Variants in SNRNP70 observed in about 807,000 individuals in gnomAD.
SNRNP70 encodes the protein small nuclear ribonucleoprotein U1 subunit 70, also known as U1 small nuclear ribonucleoprotein 70 kDa.
In SNRNP70, 8 loss-of-function variants were observed where a neutral mutation model predicts 50.5. The ratio of observed to expected loss-of-function variants is 0.16; its 90% confidence interval spans 0.09 to 0.29. The LOEUF (loss-of-function observed/expected upper bound fraction) is 0.29, where lower values mean the gene tolerates loss of function less well. Among genes scored for constraint, SNRNP70 ranks in the 10% least tolerant of loss-of-function variants. SNRNP70 has a pLI of 1.00. For synonymous variants in SNRNP70, 320 were observed against 252.9 expected, an observed-to-expected ratio of 1.27 and a Z score of -2.52; for missense variants, 529 against 663.5, an observed-to-expected ratio of 0.80 and a Z score of 2.23.
At chr19:49,085,718 CG>C (rs2040368830) in intron 1 of SNRNP70, 82 bp downstream of exon 1, 1 of 447,052 alleles carries the variant, frequency 2.2e-6, no homozygotes, top group African/African-American at 2.0e-5. Flanking sequence ...TCCTCTTCCC[CG>C]CGGCCAGGCC....
intron 6 of SNRNP70, among the ~76,000 whole-genome samples, chr19:49,100,731 G>A (rs143534274): frequency 0.03 from 4,507 of 150,962 alleles, 97 homozygotes; most frequent in Middle Eastern, 0.065. Flanking sequence ...GCTTGAACCC[G>A]GGAGGTGCAG....
At chr19:49,091,261 C>T (rs753194637) in intron 4 of SNRNP70, among the ~76,000 whole-genome samples, 3 of 149,380 alleles carry the variant, frequency 2.0e-5, no homozygotes, top group Admixed American at 6.7e-5. Flanking sequence ...CCCAGCTACT[C>T]GGGAGACTGA....
chr19:49,091,023 A>G (rs1168909169), intron 4 of SNRNP70, among the ~76,000 whole-genome samples: 1 of 152,164 alleles, frequency 6.6e-6, no homozygotes. Context: ...CACAGGCAGC[A>G]TAGCAGTGTT....
In SNRNP70 at chr19:49,085,488, G is replaced by A. The variant is rs955168792; in HGVS notation, c.-159G>A. ...AGGCCGCGCGGGTGGCTGAGCAGCGGCCTGGTGCGCTCGCTTAGCGGGCGA... is the reference window on the plus strand; with the variant it reads ...AGGCCGCGCGGGTGGCTGAGCAGCGACCTGGTGCGCTCGCTTAGCGGGCGA... On this transcript the variant is annotated 5_prime_UTR_variant, in exon 1 of 10. Transcript: ENST00000598441. 4 of 452,742 alleles carry A rather than the reference G, an allele frequency of 8.8e-6. No homozygotes were observed. Among genetic ancestry groups the A allele is most frequent in the East Asian group, 7.0e-5 (1 of 14,272 alleles). 28.0% of individuals were successfully genotyped at this position (452,742 alleles called of 1,614,324 possible).
intron 7 of SNRNP70, chr19:49,101,776 G>T (rs942965224): frequency 2.3e-6 from 1 of 430,520 alleles, no homozygotes; most frequent in Non-Finnish European, 4.4e-6. Context: ...TGGGGGGAGG[G>T]GTCGGATTTT....
chr19:49,097,999 G>A (rs2040534282), intron 4 of SNRNP70, among the ~76,000 whole-genome samples: 1 of 152,244 alleles, frequency 6.6e-6, no homozygotes, highest in Middle Eastern at 3.2e-3. Flanking sequence ...CCAGTAGGTG[G>A]CAGTGTGGCC....
In SNRNP70 at chr19:49,097,538, G is replaced by A. The variant is rs118154688; in HGVS notation, c.266-889G>A. On this transcript the variant is annotated intron_variant, in intron 4 of 9. Transcript: ENST00000598441. ...AAATTGCAACCTCTGGCATAAATGG[G>A]TTAATGTTATTCCTTTTCTCATGCT... Among the ~76,000 whole-genome samples the A allele has an allele frequency of 3.4e-3, 513 of 152,260 alleles. 2 individuals are homozygous for A. The highest frequency in any genetic ancestry group is 6.0e-3 in the Non-Finnish European group (406 of 68,016).
At chr19:49,101,597 C>T (rs952975148) in intron 7 of SNRNP70, 126 bp downstream of exon 7, 8 of 669,980 alleles carry the variant, frequency 1.2e-5, no homozygotes, top group African/African-American at 3.6e-5. Flanking sequence ...TTCTCCTCCT[C>T]CCTCTGTTTC....
At chr19:49,089,166 T>A (rs569982468) in intron 2 of SNRNP70, among the ~76,000 whole-genome samples, 5 of 152,310 alleles carry the variant, frequency 3.3e-5, no homozygotes, top group African/African-American at 1.2e-4. Flanking sequence ...ATAGAATTAC[T>A]TTTTAAAGAA....
At position 49,107,482 on chromosome 19, in the gene SNRNP70, T is replaced by G. The variant is rs763915211; in HGVS notation, c.578-143T>G. ...TGTCTTGTGATGGGAGTGCGCGGGATGAACTGCACGGGGGGACCCGGCCCT... is the reference window on the plus strand; with the variant it reads ...TGTCTTGTGATGGGAGTGCGCGGGAGGAACTGCACGGGGGGACCCGGCCCT... On this transcript the variant is annotated intron_variant, in intron 8 of 9. Transcript: ENST00000598441. This position sits in a 1 kb window ranked among gnomAD's most constrained non-coding sequence, Gnocchi z 6.0. 3 of 701,636 alleles carry G rather than the reference T, an allele frequency of 4.3e-6. No homozygotes were observed. The highest frequency in any genetic ancestry group is 1.7e-5 in the South Asian group (1 of 57,530). 43.5% of individuals were successfully genotyped at this position (701,636 alleles called of 1,614,324 possible). A position where few individuals can be genotyped will look rare whatever the true frequency, so the allele number is the denominator to read the frequency against.
rs574231266 is a variant in SNRNP70, at chr19:49,094,017, CCTT to C, written c.265+3500_265+3502del. 1.9e-4 allele frequency among the ~76,000 whole-genome samples: 29 copies of C among 152,110 alleles called. 1 individual carries two copies. The East Asian group carries it at 5.4e-3, about 28-fold the overall frequency. On this transcript the variant is annotated intron_variant, in intron 4 of 9. Coordinates refer to ENST00000598441, the MANE Select transcript of SNRNP70 (RefSeq NM_003089.6). ...CAGCCCGGGCAATAAGAGCAAGACT[CCTT>C]CTCAAAAAACAAACAAGTAAGTTCC...
In SNRNP70 at chr19:49,089,478, G is replaced by GA. The variant is rs375795474; in HGVS notation, c.148-803dup. On this transcript the variant is annotated intron_variant, in intron 2 of 9. Transcript: ENST00000598441. Reference sequence around the variant, plus strand: ...GGCAACAGACCACAACTTCGTCTCAGAAAAAAAAAAGACCTACAGAATAAA... The same window carrying GA: ...GGCAACAGACCACAACTTCGTCTCAGAAAAAAAAAAAGACCTACAGAATAAA... Among the ~76,000 whole-genome samples the GA allele has an allele frequency of 1.4e-3, 200 of 144,562 alleles. 2 individuals are homozygous for GA. Among genetic ancestry groups the GA allele is most frequent in the African/African-American group, 4.5e-3 (178 of 39,466 alleles). 94.8% of individuals were successfully genotyped at this position (144,562 alleles called of 152,430 possible). A position where few individuals can be genotyped will look rare whatever the true frequency, so the allele number is the denominator to read the frequency against.
At chr19:49,095,765 G>A (rs1220797736) in intron 4 of SNRNP70, among the ~76,000 whole-genome samples, 5 of 152,016 alleles carry the variant, frequency 3.3e-5, no homozygotes, top group African/African-American at 1.2e-4. Context: ...GGTCACAAGT[G>A]ATCCGCCTGC....
chr19:49,101,425 C>A lies in SNRNP70; in HGVS notation c.429C>A (p.Pro143=), dbSNP rs539611390. ...HMVYSKRSGK[P]RGYAFIEYEH... ...TCTACAGTAAGCGGTCAGGAAAGCC[C>A]CGTGGCTATGCCTTCATCGAGTACG... is the stretch of plus-strand genomic sequence containing the variant. Residue 143 remains proline (P), a synonymous_variant, in exon 7 of 10, where the codon CCC becomes CCA. Coordinates refer to ENST00000598441, the MANE Select transcript of SNRNP70 (RefSeq NM_003089.6). 6.2e-7 allele frequency: 1 copy of A among 1,613,954 alleles called. No homozygotes were observed. The highest frequency in any genetic ancestry group is 1.3e-5 in the African/African-American group (1 of 74,928).
In SNRNP70 at chr19:49,104,479, G is replaced by C. The variant is rs1448818860; in HGVS notation, c.476-155G>C. 1.5e-6 allele frequency: 1 copy of C among 648,272 alleles called. No individual in the cohort carries two copies. The highest frequency in any genetic ancestry group is 2.2e-5 in the Admixed American group (1 of 44,588). The allele number at this position is 648,272 out of a possible 1,614,324, so 40.2% of individuals were successfully genotyped here. ...AGGCCCTTCACCGGTTTGGGAGAGG[G>C]TTGGTCTGGCTGTCAGTTGCCTGGC... On this transcript the variant is annotated intron_variant, in intron 7 of 9. Transcript: ENST00000598441. The surrounding 1 kb of genome is among the most constrained non-coding windows in gnomAD (Gnocchi z 5.4).
intron 4 of SNRNP70, among the ~76,000 whole-genome samples, chr19:49,093,608 G>A (rs529705565): frequency 3.6e-4 from 54 of 150,790 alleles, no homozygotes; most frequent in African/African-American, 1.2e-3. Context: ...GAACCTGGGA[G>A]GCGGAGGTTG....
chr19:49,087,103 C>T (rs950604148), intron 2 of SNRNP70, among the ~76,000 whole-genome samples: 2 of 149,032 alleles, frequency 1.3e-5, no homozygotes, highest in African/African-American at 5.0e-5. Context: ...TCACTTGAAC[C>T]CAGGAGGCGG....
At chr19:49,097,587 C>T (rs889281372) in intron 4 of SNRNP70, among the ~76,000 whole-genome samples, 26 of 152,186 alleles carry the variant, frequency 1.7e-4, no homozygotes, top group African/African-American at 5.1e-4. Context: ...ACAGGGCTTC[C>T]GAGGGAAACA....
chr19:49,099,473 G>C (rs1414415454), intron 6 of SNRNP70, among the ~76,000 whole-genome samples: 1 of 151,746 alleles, frequency 6.6e-6, no homozygotes, highest in African/African-American at 2.4e-5. Context: ...GCTCACGCCT[G>C]TAATCCCAGC....
Sources: gnomAD v4.1 joint callset for allele counts (sites outside exome capture counted in the v4.1 genomes callset) on GRCh38, gnomAD v4.1.1 for gene constraint, Gnocchi (gnomAD v3.1) non-coding constraint, MANE v1.5 for transcripts, NCBI Gene and HGNC (gene_info 2026-07-23, HGNC 2026-07-21) for gene names.